RAD9A: variants seen among roughly 807,000 people sequenced by gnomAD.
RAD9A encodes RAD9 checkpoint clamp component A.
In RAD9A, 25 loss-of-function variants were observed where a neutral mutation model predicts 41.2. The ratio of observed to expected loss-of-function variants is 0.61; its 90% CI spans 0.44 to 0.85. The LOEUF (loss-of-function observed/expected upper bound fraction) is 0.85, where lower values mean the gene tolerates loss of function less well. RAD9A is among the 40% of genes least tolerant of loss of function. The probability of loss-of-function intolerance (pLI) is 0.00; values close to 1 mark genes in which losing one functional copy is unlikely to be tolerated. For synonymous variants in RAD9A, 252 were observed against 210.6 expected (o/e 1.20, Z -1.70); for missense variants, 514 against 518.3 (o/e 0.99, Z 0.08).
intron 7 of RAD9A, 22 bp downstream of exon 7, chr11:67,396,043 CG>C: frequency 3.1e-6 from 5 of 1,613,670 alleles, no homozygotes; most frequent in Non-Finnish European, 3.4e-6. Context: ...CCCAGGCGCT[CG>C]CCGTCCTGTC....
rs1862701809 is a variant in RAD9A, at chr11:67,396,488, C to A, written c.872+88C>A. 7 of 1,482,884 alleles carry A rather than the reference C, an allele frequency of 4.7e-6. No homozygotes were observed. The South Asian group carries it at 7.2e-5, about 15-fold the overall frequency. 91.9% of individuals were successfully genotyped at this position (1,482,884 alleles called of 1,614,324 possible). A position where few individuals can be genotyped will look rare whatever the true frequency, so the allele number is the denominator to read the frequency against. On this transcript the variant is annotated intron_variant, in intron 9 of 10. Transcript: ENST00000307980. ...AACTCCTAGCTTCTGCACCTCCCCG[C>A]AATGTGTTCTCTCCCGCCCCTTCTC... is the stretch of plus-strand genomic sequence containing the variant.
At chr11:67,393,657 G>C in intron 4 of RAD9A, 34 bp from the exon 5 acceptor site, 1 of 1,612,930 alleles carries the variant, frequency 6.2e-7, no homozygotes, top group Non-Finnish European at 8.5e-7. Context: ...CAGGGAGGTC[G>C]GCGAGGCCCA....
At position 67,391,995 on chromosome 11, in the gene RAD9A, G is replaced by A. The variant is rs1862538882; in HGVS notation, c.-50G>A. 3.3e-6 allele frequency: 5 copies of A among 1,533,588 alleles called. No homozygotes were observed. The South Asian group carries it at 6.0e-5, about 18-fold the overall frequency. The allele number at this position is 1,533,588 out of a possible 1,614,324, so 95.0% of individuals were successfully genotyped here. A position where few individuals can be genotyped will look rare whatever the true frequency, so the allele number is the denominator to read the frequency against. On this transcript the variant is annotated 5_prime_UTR_variant, in exon 1 of 11. Coordinates refer to ENST00000307980, the MANE Select transcript of RAD9A (RefSeq NM_004584.3). ...CGCGGGAAGGGACCCCGGACCCGGA[G>A]GTCGCGGAGAGCTGGGCAGTGTTGG...
At position 67,392,242 on chromosome 11, in the gene RAD9A, A is replaced by C. The variant is rs1454763702; in HGVS notation, c.105+11A>C. The C allele has an allele frequency of 4.5e-6, 2 of 445,626 alleles. No individual in the cohort carries two copies. The highest frequency in any genetic ancestry group is 2.8e-5 in the African/African-American group (1 of 35,194). 27.6% of individuals were successfully genotyped at this position (445,626 alleles called of 1,614,324 possible). A position where few individuals can be genotyped will look rare whatever the true frequency, so the allele number is the denominator to read the frequency against. On this transcript the variant is annotated intron_variant, in intron 2 of 10. Transcript: ENST00000307980. ...CCCTTGGAGGACGGGGTGAGGGGCT[A>C]GGGTGTGGGGGGCGGGTGGGACTCC...
intron 5 of RAD9A, 86 bp downstream of exon 5, chr11:67,393,876 CTT>C (rs1862607870): frequency 1.8e-6 from 2 of 1,086,946 alleles, no homozygotes; most frequent in Non-Finnish European, 2.6e-6. Flanking sequence ...GAAGGTACCT[CTT>C]TCATTTTCCC....
Position 67,397,764 on chromosome 11 carries a change from CCCAG to C in RAD9A, c.*209_*212del. On this transcript the variant is annotated 3_prime_UTR_variant, in exon 11 of 11. Transcript: ENST00000307980. ...CCTGGGCCGTTATCTCCCCACAACC[CCCAG>C]CCAATCAGGACTTTCCAGACTTGGC... The C allele has an allele frequency of 1.7e-6, 1 of 579,230 alleles. No individual in the cohort carries two copies. 35.9% of individuals were successfully genotyped at this position (579,230 alleles called of 1,614,324 possible). A position where few individuals can be genotyped will look rare whatever the true frequency, so the allele number is the denominator to read the frequency against.
Position 67,392,644 on chromosome 11 carries a change from C to T in RAD9A, c.106-10C>T, listed in dbSNP as rs773729236. ...TGACCACGTCCCTCTCCCTGCTCTTCGTGGCCCAGCTCTCCCTCCGGACGG... is the reference window on the plus strand; with the variant it reads ...TGACCACGTCCCTCTCCCTGCTCTTTGTGGCCCAGCTCTCCCTCCGGACGG... On this transcript the variant is annotated splice_polypyrimidine_tract_variant and intron_variant, in intron 2 of 10. Coordinates refer to ENST00000307980, the MANE Select transcript of RAD9A (RefSeq NM_004584.3). The T allele has an allele frequency of 2.2e-5, 36 of 1,613,230 alleles. No homozygotes were observed. In the Admixed American group the frequency reaches 3.3e-4, roughly 15 times the overall value.
At chr11:67,395,146 G>A in intron 5 of RAD9A, 1 of 152,626 alleles carries the variant, frequency 6.6e-6, no homozygotes, top group Non-Finnish European at 1.5e-5. Flanking sequence ...CACCATGTTG[G>A]CCAAGCTGGT....
chr11:67,393,279 C>CAAAAA (rs34533285), intron 3 of RAD9A: 10 of 1,010,684 alleles, frequency 9.9e-6, no homozygotes, highest in Admixed American at 7.7e-5. Flanking sequence ...GACTCCATCT[C>CAAAAA]AAAAAAAAAA....
chr11:67,392,248 T>TGGGGGGGGGGGG lies in RAD9A; in HGVS notation c.105+23_105+24insGGGGGGGGGGGG. 1 of 321,852 alleles carries TGGGGGGGGGGGG rather than the reference T, an allele frequency of 3.1e-6. No individual in the cohort carries two copies. The highest frequency in any genetic ancestry group is 6.2e-6 in the Non-Finnish European group (1 of 162,534). 19.9% of individuals were successfully genotyped at this position (321,852 alleles called of 1,614,324 possible). On this transcript the variant is annotated intron_variant, in intron 2 of 10. Transcript: ENST00000307980. Reference sequence around the variant, plus strand: ...GAGGACGGGGTGAGGGGCTAGGGTGTGGGGGGCGGGTGGGACTCCAGCCGG... The same window carrying TGGGGGGGGGGGG: ...GAGGACGGGGTGAGGGGCTAGGGTGTGGGGGGGGGGGGGGGGGGCGGGTGGGACTCCAGCCGG...
intron 5 of RAD9A, among the ~76,000 whole-genome samples, chr11:67,394,709 G>A (rs1341454523): frequency 6.6e-6 from 1 of 150,506 alleles, no homozygotes. Context: ...TCCGCCTCCC[G>A]ATAAAAGTGA....
At position 67,392,796 on chromosome 11, in the gene RAD9A, C is replaced by T. The variant is rs1385200470; in HGVS notation, c.234+14C>T. 3 of 1,613,440 alleles carry T rather than the reference C, an allele frequency of 1.9e-6. No homozygotes were observed. Among genetic ancestry groups the T allele is most frequent in the African/African-American group, 2.7e-5 (2 of 74,926 alleles). On this transcript the variant is annotated intron_variant, in intron 3 of 10. Transcript: ENST00000307980. Reference sequence around the variant, plus strand: ...ATCCTGATGAAGGTGAGGCCCTTCCCTCAGCAGTGGCACTACTCCACCCCA... The same window carrying T: ...ATCCTGATGAAGGTGAGGCCCTTCCTTCAGCAGTGGCACTACTCCACCCCA...
At chr11:67,393,877 T>C (rs2134946804) in intron 5 of RAD9A, 87 bp downstream of exon 5, 1 of 1,083,074 alleles carries the variant, frequency 9.2e-7, no homozygotes, top group Non-Finnish European at 1.3e-6. Context: ...AAGGTACCTC[T>C]TTCATTTTCC....
intron 2 of RAD9A, 28 bp downstream of exon 2, chr11:67,392,259 T>TGGGGGGATGGGGTGGGGGGGGGGGGG: frequency 2.1e-6 from 1 of 484,302 alleles, no homozygotes; most frequent in Non-Finnish European, 4.1e-6. Flanking sequence ...GGGGGGCGGG[T>TGGGGGGATGGGGTGGGGGGGGGGGGG]GGGACTCCAG....
chr11:67,392,865 A>T, intron 3 of RAD9A, 83 bp downstream of exon 3: 1 of 1,530,092 alleles, frequency 6.5e-7, no homozygotes, highest in South Asian at 1.1e-5. Context: ...TACTCAGTAG[A>T]TGCTAAGTGG....
In RAD9A at chr11:67,397,661, T is replaced by G; in HGVS notation, c.*102T>G. 9.1e-7 allele frequency: 1 copy of G among 1,098,110 alleles called. No homozygotes were observed. The highest frequency in any genetic ancestry group is 1.6e-5 in the African/African-American group (1 of 62,972). The allele number at this position is 1,098,110 out of a possible 1,614,324, so 68.0% of individuals were successfully genotyped here. A position where few individuals can be genotyped will look rare whatever the true frequency, so the allele number is the denominator to read the frequency against. On this transcript the variant is annotated 3_prime_UTR_variant, in exon 11 of 11. Coordinates refer to ENST00000307980, the MANE Select transcript of RAD9A (RefSeq NM_004584.3). ...GCCCTGGGGATCAGAAAGGTGGGCT[T>G]GCTGGAGCTGAGCTGTTTCACTGCC...
At position 67,395,636 on chromosome 11, in the gene RAD9A, T is replaced by C. The variant is rs147152215; in HGVS notation, c.450-80T>C. On this transcript the variant is annotated intron_variant, in intron 5 of 10. Transcript: ENST00000307980. ...GCGCACATCCGTGCGTGTGCATGTG[T>C]CACCCCCACCTCAGGTCCTCCGAGA... 169 of 1,098,100 alleles carry C rather than the reference T, an allele frequency of 1.5e-4. No individual in the cohort carries two copies. In the East Asian group the frequency reaches 3.3e-3, roughly 21 times the overall value. 68.0% of individuals were successfully genotyped at this position (1,098,100 alleles called of 1,614,324 possible).
In RAD9A at chr11:67,395,906, CAACA is replaced by C. The variant is rs1862678899; in HGVS notation, c.560-5_560-2del. The C allele has an allele frequency of 4.3e-6, 7 of 1,614,028 alleles. No individual in the cohort carries two copies. The East Asian group carries it at 6.7e-5, about 15-fold the overall frequency. On this transcript the variant is annotated splice_acceptor_variant and splice_polypyrimidine_tract_variant and intron_variant, in intron 6 of 10. Transcript: ENST00000307980. LOFTEE classifies it high-confidence loss of function. ...GGCCCAGGTTACTCCTGTTCTTCCC[CAACA>C]GACAGCACTGCCAAAGCCATGGTGA...
chr11:67,392,747 G>C lies in RAD9A; in HGVS notation c.199G>C (p.Gly67Arg). ...CCAGCAATACCAGGCAGCCACCCCT[G>C]GTCAGGACCTGCTGCGCTGTAAGAT... The part of the protein sequence containing the change: ...FFQQYQAATP[G>R]QDLLRCKILM... The change falls in exon 3 of 11, where the codon GGT becomes CGT. Residue 67 changes from glycine to arginine, a missense_variant. Transcript: ENST00000307980. 1 of 1,614,070 alleles carries C rather than the reference G, an allele frequency of 6.2e-7. No homozygotes were observed. Among genetic ancestry groups the C allele is most frequent in the Non-Finnish European group, 8.5e-7 (1 of 1,179,986 alleles).
Sources: allele counts gnomAD v4.1 joint callset (sites outside exome capture counted in the v4.1 genomes callset), GRCh38; gene constraint gnomAD v4.1.1; transcripts MANE v1.5; gene names NCBI Gene and HGNC (gene_info 2026-07-23, HGNC 2026-07-21).